Variants in PPP2R5C observed in about 807,000 individuals in gnomAD.
The protein encoded by PPP2R5C is protein phosphatase 2 regulatory subunit B'gamma.
PPP2R5C carries 7 observed loss-of-function variants against 68.9 expected under a neutral mutation model. The observed-to-expected ratio is 0.10, with a 90% confidence interval of 0.06 to 0.19. The LOEUF (loss-of-function observed/expected upper bound fraction) is 0.19, where lower values mean the gene tolerates loss of function less well. Among genes scored for constraint, PPP2R5C ranks in the 10% least tolerant of loss-of-function variants. The pLI, the probability that PPP2R5C is intolerant of heterozygous loss-of-function variation, is 1.00. For synonymous variants in PPP2R5C, 210 were observed against 222.2 expected (o/e 0.95, Z 0.49); for missense variants, 348 against 641.3 (o/e 0.54, Z 4.94).
chr14:101,844,432 G>A (rs999487692), intron 1 of PPP2R5C, among the ~76,000 whole-genome samples: 6 of 152,166 alleles, frequency 3.9e-5, no homozygotes, highest in Admixed American at 3.9e-4. Context: ...TCCCCCGGCT[G>A]CCCCTGCAAG....
intron 11 of PPP2R5C, among the ~76,000 whole-genome samples, chr14:101,909,971 G>A (rs1330478191): frequency 6.6e-6 from 1 of 152,004 alleles, no homozygotes; most frequent in Non-Finnish European, 1.5e-5. Flanking sequence ...TTCTTTTCTT[G>A]GGCTATAATG....
At chr14:101,884,687 G>T (rs1037800026) in intron 5 of PPP2R5C, among the ~76,000 whole-genome samples, 1 of 152,156 alleles carries the variant, frequency 6.6e-6, no homozygotes, top group Non-Finnish European at 1.5e-5. Context: ...CTCCTTCCAC[G>T]CCAGGGCTCT....
intron 1 of PPP2R5C, among the ~76,000 whole-genome samples, chr14:101,762,124 G>T (rs181060076): frequency 0.029 from 4,330 of 151,262 alleles, 105 homozygotes; most frequent in East Asian, 0.14. Flanking sequence ...CCCGGGGATC[G>T]CGCCGGAGCC....
At chr14:101,790,694 T>C (rs1188335251) in intron 3 of PPP2R5C, among the ~76,000 whole-genome samples, 4 of 152,260 alleles carry the variant, frequency 2.6e-5, no homozygotes, top group Admixed American at 1.3e-4. Flanking sequence ...AACATTTGCA[T>C]AGAAGTCTGT....
chr14:101,843,091 G>A (rs1032274772), intron 1 of PPP2R5C, among the ~76,000 whole-genome samples: 1 of 152,082 alleles, frequency 6.6e-6, no homozygotes, highest in Admixed American at 6.6e-5. Flanking sequence ...AGCCAGGAGT[G>A]GTGGCATGTG....
In PPP2R5C at chr14:101,797,380, G is replaced by A. The variant is rs1054764826; in HGVS notation, c.259+11197G>A. ...AGTCAGTACACGAGTTAACAGTTGC[G>A]TGCTTGTCTGCCTGTGTCATCCATT... On this transcript the variant is annotated intron_variant, in intron 3 of 14. Coordinates refer to the PPP2R5C transcript ENST00000328724. This position sits in a 1 kb window ranked among gnomAD's most constrained non-coding sequence, Gnocchi z 4.2. The A allele has an allele frequency of 2.1e-5, 9 of 437,504 alleles. No homozygotes were observed. In the East Asian group the frequency reaches 2.8e-4, roughly 14 times the overall value. The allele number at this position is 437,504 out of a possible 1,614,324, so 27.1% of individuals were successfully genotyped here.
chr14:101,761,438 G>C (rs1415297589), upstream of PPP2R5C, among the ~76,000 whole-genome samples: 3 of 151,738 alleles, frequency 2.0e-5, no homozygotes, highest in Admixed American at 2.0e-4. Context: ...GCCTGCCTGA[G>C]GCCGGCTCGC....
At chr14:101,761,508 G>A (rs1254735543), upstream of PPP2R5C, among the ~76,000 whole-genome samples, 79 of 150,418 alleles carry the variant, frequency 5.3e-4, no homozygotes, top group African/African-American at 1.9e-3. Context: ...TGGGGGGAGC[G>A]GGGAGCGTTA....
Position 101,906,780 on chromosome 14 carries a change from T to G in PPP2R5C, c.1151+251T>G, listed in dbSNP as rs2046051374. On this transcript the variant is annotated intron_variant, in intron 10 of 13. Transcript: ENST00000334743. The surrounding 1 kb of genome is among the most constrained non-coding windows in gnomAD (Gnocchi z 4.0). ...GCAGCCACCTCCCAGTAGCAGCAGT[T>G]TCTAGGCCTCTTCCTGAGCGTCCTG... The G allele has an allele frequency of 2.3e-6, 1 of 441,942 alleles. No homozygotes were observed. 27.4% of individuals were successfully genotyped at this position (441,942 alleles called of 1,614,324 possible).
chr14:101,781,988 C>G lies in PPP2R5C; in HGVS notation c.94-4030C>G, dbSNP rs1361465813. On this transcript the variant is annotated intron_variant, in intron 2 of 14. Coordinates refer to the PPP2R5C transcript ENST00000328724. This position sits in a 1 kb window ranked among gnomAD's most constrained non-coding sequence, Gnocchi z 6.4. ...GGGAGCCCCTCGCCCTCTCTCTCTC[C>G]TTCCCTCATTCCCTTCATCCTTCTC... Among the ~76,000 whole-genome samples the G allele has an allele frequency of 2.0e-5, 3 of 151,222 alleles. No individual in the cohort carries two copies. The highest frequency in any genetic ancestry group is 4.4e-5 in the Non-Finnish European group (3 of 67,666).
Position 101,869,580 on chromosome 14 carries a change from A to G in PPP2R5C, c.295-12581A>G, listed in dbSNP as rs370258225. Among the ~76,000 whole-genome samples the G allele has an allele frequency of 3.3e-5, 5 of 152,206 alleles. No individual in the cohort carries two copies. In the South Asian group the frequency reaches 8.3e-4, roughly 25 times the overall value. On this transcript the variant is annotated intron_variant, in intron 2 of 13. Transcript: ENST00000334743. Reference sequence around the variant, plus strand: ...TCTCATGCCTCCCGTATCTTTGTCAATATTTGGTGTCATCAGTCCTTTTAT... The same window carrying G: ...TCTCATGCCTCCCGTATCTTTGTCAGTATTTGGTGTCATCAGTCCTTTTAT...
chr14:101,914,864 C>T (rs1351105745), intron 12 of PPP2R5C, among the ~76,000 whole-genome samples: 1 of 152,160 alleles, frequency 6.6e-6, no homozygotes, highest in Admixed American at 6.5e-5. Context: ...CTACTCACTT[C>T]CCCCAGCTTT....
At chr14:101,883,944 A>C (rs1261167838) in intron 5 of PPP2R5C, among the ~76,000 whole-genome samples, 1 of 152,196 alleles carries the variant, frequency 6.6e-6, no homozygotes, top group Non-Finnish European at 1.5e-5. Context: ...ATAGATGAAT[A>C]TATGAAGGGG....
intron 1 of PPP2R5C, among the ~76,000 whole-genome samples, chr14:101,853,826 A>C (rs926878366): frequency 1.3e-5 from 2 of 152,108 alleles, no homozygotes; most frequent in Non-Finnish European, 2.9e-5. Flanking sequence ...TAAAGGACTT[A>C]ACTGGCTACT....
At position 101,924,803 on chromosome 14, in the gene PPP2R5C, A is replaced by G. The variant is rs148291835; in HGVS notation, c.1444-338A>G. Among the ~76,000 whole-genome samples, 256 of 152,232 alleles carry G rather than the reference A, an allele frequency of 1.7e-3. 2 individuals carry two copies. The highest frequency in any genetic ancestry group is 6.0e-3 in the African/African-American group (251 of 41,534). Reference sequence around the variant, plus strand: ...ATGCCCATGAAATGGCTTTAATGACATTTATGAAATAGGAGGTTACTTAGG... The same window carrying G: ...ATGCCCATGAAATGGCTTTAATGACGTTTATGAAATAGGAGGTTACTTAGG... On this transcript the variant is annotated intron_variant, in intron 13 of 13. Transcript: ENST00000334743.
intron 1 of PPP2R5C, among the ~76,000 whole-genome samples, chr14:101,831,121 C>A (rs1294037777): frequency 6.6e-6 from 1 of 151,626 alleles, no homozygotes; most frequent in Non-Finnish European, 1.5e-5. Context: ...CAGAGCCCAG[C>A]AGAAGGGCAC....
chr14:101,838,903 G>T (rs1383908163), intron 1 of PPP2R5C: 1 of 151,988 alleles, frequency 6.6e-6, no homozygotes, highest in Non-Finnish European at 1.5e-5. Flanking sequence ...AATTAGCTGG[G>T]TGTGGTGGTG....
At chr14:101,813,617 A>G (rs1193229593) in intron 1 of PPP2R5C, among the ~76,000 whole-genome samples, 1 of 152,258 alleles carries the variant, frequency 6.6e-6, no homozygotes, top group Non-Finnish European at 1.5e-5. Flanking sequence ...TAAGGCAGTG[A>G]CAGCCAAGCC....
At chr14:101,861,999 A>T (rs2042770609) in intron 2 of PPP2R5C, among the ~76,000 whole-genome samples, 1 of 152,186 alleles carries the variant, frequency 6.6e-6, no homozygotes, top group Non-Finnish European at 1.5e-5. Flanking sequence ...TGCAGCCTCG[A>T]ACTTCTGGGC....
Sources: allele counts gnomAD v4.1 joint callset (sites outside exome capture counted in the v4.1 genomes callset), GRCh38; gene constraint gnomAD v4.1.1; non-coding constraint Gnocchi (gnomAD v3.1); transcripts MANE v1.5; gene names NCBI Gene and HGNC (gene_info 2026-07-23, HGNC 2026-07-21).